MGA: variants seen among roughly 807,000 people sequenced by gnomAD.
The protein encoded by MGA is MAX gene-associated protein.
Under a neutral mutation model 261.1 loss-of-function variants are expected in MGA, and 40 were observed. That is an observed-to-expected ratio of 0.15 (90% confidence interval 0.12 to 0.20). The LOEUF is 0.20. MGA is among the 10% of genes least tolerant of loss of function. The pLI is 1.00. For missense variants in MGA, 3,397 were observed against 3,630.5 expected, an observed-to-expected ratio of 0.94 and a Z score of 1.65; for synonymous variants, 1,302 against 1,290.6, an observed-to-expected ratio of 1.01 and a Z score of -0.19.
rs1409013941 is a variant in MGA, at chr15:41,766,734, G to C, written c.8652G>C (p.Leu2884Phe). ...AGGTTGAGCACTTGGGAACTGGTTT[G>C]AAAGAGTTGCCTGATGTTCAAGGGG... The change falls in exon 24 of 24, where the codon TTG becomes TTC. Residue 2884 changes from leucine to phenylalanine, a missense_variant. Leu to Phe is a conservative substitution (Grantham distance 22, BLOSUM62 0). Around this residue, in one of 9 missense-constraint regions of MGA, gnomAD observed 647 missense variants for 642.4 expected, o/e 1.01. Transcript: ENST00000219905. 6.2e-7 allele frequency: 1 copy of C among 1,613,974 alleles called. No individual in the cohort carries two copies. The highest frequency in any genetic ancestry group is 8.5e-7 in the Non-Finnish European group (1 of 1,179,898).
At chr15:41,642,071 G>A (rs1266252174) in intron 1 of MGA, among the ~76,000 whole-genome samples, 1 of 152,182 alleles carries the variant, frequency 6.6e-6, no homozygotes. Context: ...AAAGTGCTGG[G>A]ATTACAGGTT....
At chr15:41,672,214 T>C (rs1415715457) in intron 2 of MGA, among the ~76,000 whole-genome samples, 1 of 152,198 alleles carries the variant, frequency 6.6e-6, no homozygotes, top group African/African-American at 2.4e-5. Flanking sequence ...GGTGCAGTAG[T>C]GCATTCACGG....
intron 1 of MGA, among the ~76,000 whole-genome samples, chr15:41,626,326 C>T (rs2056450912): frequency 6.7e-6 from 1 of 149,364 alleles, no homozygotes; most frequent in Admixed American, 6.7e-5. Context: ...CCATGTTGCA[C>T]AGGCTGGTCT....
chr15:41,625,795 A>G (rs1014818698), intron 1 of MGA, among the ~76,000 whole-genome samples: 1 of 152,200 alleles, frequency 6.6e-6, no homozygotes. Flanking sequence ...CATGATATAG[A>G]TCTCTATTAA....
rs1347024555 is a variant in MGA at position 41,769,577 on chromosome 15, T to C, written c.*2297T>C. ...GAAATCTAAAATCTCCAAAAACTCC[T>C]ACCCTTTAACCTTACCCTAGGGGGA... On this transcript the variant is annotated 3_prime_UTR_variant, in exon 24 of 24. Transcript: ENST00000219905. 6.6e-6 allele frequency: 1 copy of C among 152,494 alleles called. No individual in the cohort carries two copies. Among genetic ancestry groups the C allele is most frequent in the African/African-American group, 2.4e-5 (1 of 41,418 alleles). 9.4% of individuals were successfully genotyped at this position (152,494 alleles called of 1,614,324 possible).
chr15:41,679,819 T>C (rs2058576457), intron 2 of MGA, among the ~76,000 whole-genome samples: 1 of 152,216 alleles, frequency 6.6e-6, no homozygotes, highest in East Asian at 1.9e-4. Flanking sequence ...GAGATATCTT[T>C]ACAAACTCCT....
intron 13 of MGA, among the ~76,000 whole-genome samples, chr15:41,737,726 A>G (rs1238643712): frequency 6.6e-6 from 1 of 152,158 alleles, no homozygotes; most frequent in South Asian, 2.1e-4. Context: ...TACGCCTGTA[A>G]TCCCAGCACT....
chr15:41,677,105 G>C (rs915043537), intron 2 of MGA, among the ~76,000 whole-genome samples: 2 of 152,210 alleles, frequency 1.3e-5, no homozygotes, highest in African/African-American at 4.8e-5. Context: ...CACTTGGATA[G>C]CTTCTACCTT....
intron 2 of MGA, among the ~76,000 whole-genome samples, chr15:41,677,867 A>T (rs950798312): frequency 1.3e-5 from 2 of 152,052 alleles, no homozygotes; most frequent in Non-Finnish European, 2.9e-5. Flanking sequence ...CTTTTCTCTC[A>T]TTCTGTGGGT....
chr15:41,664,423 T>C (rs948087462), intron 1 of MGA, among the ~76,000 whole-genome samples: 2 of 152,258 alleles, frequency 1.3e-5, no homozygotes, highest in African/African-American at 4.8e-5. Context: ...AAAGAATTGG[T>C]TAAAACTTCT....
chr15:41,740,001 G>A (rs781674279), intron 13 of MGA: 1 of 1,613,816 alleles, frequency 6.2e-7, no homozygotes, highest in Admixed American at 1.7e-5. Context: ...TCACAGGCAG[G>A]TTGCGACCCT....
intron 1 of MGA, among the ~76,000 whole-genome samples, chr15:41,652,477 C>G (rs557495247): frequency 6.6e-6 from 1 of 151,772 alleles, no homozygotes; most frequent in African/African-American, 2.4e-5. Context: ...ATGATCCTCC[C>G]ACCTCAGCCT....
intron 10 of MGA, among the ~76,000 whole-genome samples, chr15:41,727,644 C>T (rs988417214): frequency 6.6e-6 from 1 of 152,054 alleles, no homozygotes; most frequent in Non-Finnish European, 1.5e-5. Context: ...ATCATAGAAA[C>T]ATAGGCTTTT....
upstream of MGA, among the ~76,000 whole-genome samples, chr15:41,655,975 C>A (rs1385896245): frequency 1.3e-5 from 2 of 152,100 alleles, no homozygotes; most frequent in Non-Finnish European, 2.9e-5. Flanking sequence ...TTTATTTATT[C>A]AACAAATATG....
Position 41,735,976 on chromosome 15 carries a change from G to T in MGA, c.3917-205G>T, listed in dbSNP as rs563781772. Among the ~76,000 whole-genome samples the T allele has an allele frequency of 1.3e-4, 20 of 152,296 alleles. No homozygotes were observed. In the East Asian group the frequency reaches 3.1e-3, roughly 24 times the overall value. ...GGAACTACCTGTTAGAGCCCAGTCA[G>T]CAGGATAATGAGGACTATTGTAGTC... On this transcript the variant is annotated intron_variant, in intron 12 of 23. Coordinates refer to ENST00000219905, the MANE Select transcript of MGA (RefSeq NM_001164273.2).
chr15:41,672,834 A>G (rs2058137438), intron 2 of MGA, among the ~76,000 whole-genome samples: 1 of 151,192 alleles, frequency 6.6e-6, no homozygotes, highest in South Asian at 2.1e-4. Flanking sequence ...CCTCTGATTT[A>G]AGGGTTTAAA....
At chr15:41,684,260 T>G (rs2151133258) in intron 2 of MGA, 1 of 292,138 alleles carries the variant, frequency 3.4e-6, no homozygotes, top group African/African-American at 2.2e-5. Context: ...TTTAAAACTT[T>G]CTTAATGTGT....
chr15:41,741,021 T>A (rs1461582787), intron 14 of MGA, among the ~76,000 whole-genome samples: 1 of 152,074 alleles, frequency 6.6e-6, no homozygotes, highest in Admixed American at 6.6e-5. Context: ...TGGTTAGAGT[T>A]GTGTGAAGAT....
At position 41,736,336 on chromosome 15, in the gene MGA, C is replaced by T. The variant is rs1234310173; in HGVS notation, c.4072C>T (p.His1358Tyr). The change falls in exon 13 of 24, where the codon CAC becomes TAC. Residue 1358 changes from histidine (H) to tyrosine (Y), a missense_variant. Physicochemically the swap from His to Tyr is moderately conservative, Grantham distance 83. Coordinates refer to ENST00000219905, the MANE Select transcript of MGA (RefSeq NM_001164273.2). ...CAAGATTTTGAGCATCTTATCCCAG[C>T]ACATCAATAGCAACATGCCACAATC... 6.2e-7 allele frequency: 1 copy of T among 1,614,016 alleles called. No individual in the cohort carries two copies. Among genetic ancestry groups the T allele is most frequent in the East Asian group, 2.2e-5 (1 of 44,894 alleles).
Sources: allele counts gnomAD v4.1 joint callset (sites outside exome capture counted in the v4.1 genomes callset), GRCh38; gene constraint gnomAD v4.1.1; regional missense constraint gnomAD v4.1.1; transcripts MANE v1.5; gene names NCBI Gene and HGNC (gene_info 2026-07-23, HGNC 2026-07-21).